Variants in BOC observed in about 807,000 individuals in gnomAD.
BOC encodes BOC cell adhesion associated, oncogene regulated.
In BOC, 76 loss-of-function variants were observed where a neutral mutation model predicts 112.0. The ratio of observed to expected loss-of-function variants is 0.68; its 90% CI spans 0.56 to 0.82. The LOEUF is 0.82. Among genes scored for constraint, BOC ranks in the 40% least tolerant of loss-of-function variants. The probability of loss-of-function intolerance (pLI) is 0.00; values close to 1 mark genes in which losing one functional copy is unlikely to be tolerated. For synonymous variants in BOC, 580 were observed against 599.8 expected (o/e 0.97, Z 0.48); for missense variants, 1,309 against 1,511.7 (o/e 0.87, Z 2.22).
Position 113,285,371 on chromosome 3 carries a change from G to A in BOC, c.2967-1G>A. The A allele has an allele frequency of 6.2e-7, 1 of 1,612,608 alleles. No individual in the cohort carries two copies. Among genetic ancestry groups the A allele is most frequent in the Non-Finnish European group, 8.5e-7 (1 of 1,179,848 alleles). The stretch of plus-strand genomic sequence containing the variant: ...TCCCCATCTGGGCTTGTGCACTGCA[G>A]GGGTCCCAAGTCTAGCCCGGACGAG... On this transcript the variant is annotated splice_acceptor_variant, in intron 18 of 19. Coordinates refer to ENST00000682979, the MANE Select transcript of BOC (RefSeq NM_001378074.1). LOFTEE classifies it high-confidence loss of function.
intron 1 of BOC, among the ~76,000 whole-genome samples, chr3:113,213,666 G>A (rs1292746809): frequency 6.6e-6 from 1 of 152,140 alleles, no homozygotes; most frequent in Non-Finnish European, 1.5e-5. Context: ...ACATTTCTGA[G>A]GTCTTATAAT....
intron 2 of BOC, among the ~76,000 whole-genome samples, chr3:113,236,675 A>C (rs951545898): frequency 2.5e-4 from 38 of 152,162 alleles, no homozygotes; most frequent in Non-Finnish European, 5.1e-4. Context: ...ATCTACAAAA[A>C]GTTTTAAAAA....
At position 113,273,258 on chromosome 3, in the gene BOC, A is replaced by G. The variant is rs1948333479; in HGVS notation, c.1151A>G (p.Glu384Gly). The G allele has an allele frequency of 1.2e-6, 2 of 1,613,090 alleles. No individual in the cohort carries two copies. The highest frequency in any genetic ancestry group is 1.7e-6 in the Non-Finnish European group (2 of 1,179,728). The change falls in exon 8 of 20, where the codon GAG becomes GGG. Residue 384 changes from glutamate (E) to glycine (G), a missense_variant. By Grantham distance (98) the Glu-to-Gly change is moderately conservative. Coordinates refer to ENST00000682979, the MANE Select transcript of BOC (RefSeq NM_001378074.1). ...RALRVLSMGP[E>G]DEGVYQCMAE... ...CTGCGCGTGCTCAGCATGGGGCCTG[A>G]GGACGAAGGCGTCTACCAGTGCATG...
intron 2 of BOC, among the ~76,000 whole-genome samples, chr3:113,220,033 AG>A (rs1940284817): frequency 1.3e-5 from 1 of 75,084 alleles, no homozygotes; most frequent in Non-Finnish European, 3.0e-5. Context: ...TGGTGGGGTG[AG>A]GGGGAGAAGA....
chr3:113,279,522 A>C, intron 12 of BOC, 67 bp downstream of exon 12: 1 of 1,484,204 alleles, frequency 6.7e-7, no homozygotes. Flanking sequence ...CTGGAGGAGG[A>C]TGACGAGCCT....
At chr3:113,284,692 C>G in intron 17 of BOC, 90 bp from the exon 18 acceptor site, 6 of 1,524,252 alleles carry the variant, frequency 3.9e-6, no homozygotes, top group Non-Finnish European at 5.5e-6. Context: ...TTTCTTTAGT[C>G]AGGAGCAGAT....
At chr3:113,279,157 G>C (rs1488299941) in intron 11 of BOC, 92 bp from the exon 12 acceptor site, 4 of 1,342,294 alleles carry the variant, frequency 3.0e-6, no homozygotes, top group Non-Finnish European at 4.2e-6. Context: ...GAGCAGGCCA[G>C]GCCCAGTGGG....
intron 4 of BOC, among the ~76,000 whole-genome samples, chr3:113,263,488 G>A (rs939550603): frequency 6.6e-5 from 10 of 152,166 alleles, no homozygotes; most frequent in African/African-American, 1.9e-4. Flanking sequence ...AAACAGAATC[G>A]AACTTCAATT....
At chr3:113,213,350 C>T (rs1938629826) in intron 1 of BOC, among the ~76,000 whole-genome samples, 1 of 152,084 alleles carries the variant, frequency 6.6e-6, no homozygotes, top group Admixed American at 6.5e-5. Flanking sequence ...GTCCAGAACT[C>T]GGTACACATT....
rs1945501415 is a variant in BOC at position 113,250,637 on chromosome 3, A to G, written c.180A>G (p.Glu60=). The stretch of plus-strand genomic sequence containing the variant: ...CTGTGATCTTGGGCTGCGTGGTGGA[A>G]CCTCCAAGGATGAATGTAACCTGGC... ...GGTVILGCVV[E]PPRMNVTWRL... The change falls in exon 4 of 20, where the codon GAA becomes GAG. Residue 60 remains glutamate, a synonymous_variant. Transcript: ENST00000682979. 1 of 1,614,162 alleles carries G rather than the reference A, an allele frequency of 6.2e-7. No homozygotes were observed. Among genetic ancestry groups the G allele is most frequent in the Non-Finnish European group, 8.5e-7 (1 of 1,180,026 alleles).
At chr3:113,243,033 C>T (rs1944501498) in intron 2 of BOC, among the ~76,000 whole-genome samples, 1 of 152,180 alleles carries the variant, frequency 6.6e-6, no homozygotes, top group Non-Finnish European at 1.5e-5. Flanking sequence ...AACAGTGTCC[C>T]AGGCATCTCC....
chr3:113,213,366 T>A (rs1263268324), intron 1 of BOC, among the ~76,000 whole-genome samples: 2 of 152,294 alleles, frequency 1.3e-5, no homozygotes, highest in East Asian at 3.9e-4. Flanking sequence ...ACATTGACCA[T>A]TGGATGAATG....
intron 2 of BOC, among the ~76,000 whole-genome samples, chr3:113,239,494 G>A (rs1164320522): frequency 2.0e-5 from 3 of 152,194 alleles, no homozygotes; most frequent in African/African-American, 4.8e-5. Flanking sequence ...GCAAGGATTT[G>A]GTTTAGACTA....
At chr3:113,239,217 G>A (rs990877450) in intron 2 of BOC, among the ~76,000 whole-genome samples, 1 of 151,902 alleles carries the variant, frequency 6.6e-6, no homozygotes, top group African/African-American at 2.4e-5. Context: ...TTTTTTTTAA[G>A]TGGGTACTAG....
At chr3:113,245,163 CTG>C (rs1204594876) in intron 2 of BOC, among the ~76,000 whole-genome samples, 2 of 152,132 alleles carry the variant, frequency 1.3e-5, no homozygotes, top group Non-Finnish European at 2.9e-5. Context: ...TAAATTAGGT[CTG>C]TGTGTCAAAT....
chr3:113,284,731 G>A (rs1489766865), intron 17 of BOC, 51 bp from the exon 18 acceptor site: 1 of 1,576,668 alleles, frequency 6.3e-7, no homozygotes, highest in East Asian at 2.2e-5. Flanking sequence ...AGACTGGAAA[G>A]TTACCTGGAC....
At chr3:113,282,209 G>A (rs978149616) in intron 15 of BOC, among the ~76,000 whole-genome samples, 11 of 152,212 alleles carry the variant, frequency 7.2e-5, no homozygotes, top group Admixed American at 6.5e-4. Flanking sequence ...ACTGGAGGCT[G>A]TGAGGTGGAG....
At chr3:113,229,237 G>A (rs1458430635) in intron 2 of BOC, among the ~76,000 whole-genome samples, 1 of 152,206 alleles carries the variant, frequency 6.6e-6, no homozygotes, top group South Asian at 2.1e-4. Context: ...AAGCCCTCTG[G>A]TCTGATCTGG....
At chr3:113,259,568 G>A (rs986016354) in intron 4 of BOC, among the ~76,000 whole-genome samples, 15 of 152,064 alleles carry the variant, frequency 9.9e-5, no homozygotes, top group East Asian at 5.8e-4. Context: ...CCTGTTTCTC[G>A]TGTGTGTGTG....
Sources: gnomAD v4.1 joint callset for allele counts (sites outside exome capture counted in the v4.1 genomes callset) on GRCh38, gnomAD v4.1.1 for gene constraint, MANE v1.5 for transcripts, NCBI Gene and HGNC (gene_info 2026-07-23, HGNC 2026-07-21) for gene names.